Variants in COL22A1 observed in about 807,000 individuals in gnomAD.
The protein encoded by COL22A1 is collagen type XXII alpha 1 chain.
Under a neutral mutation model 248.9 loss-of-function variants are expected in COL22A1, and 221 were observed. That is an observed-to-expected ratio of 0.89 (90% CI 0.80 to 0.99). The LOEUF (loss-of-function observed/expected upper bound fraction) is 0.99. COL22A1 is among the 50% of genes least tolerant of loss of function. The pLI is 0.00. For missense variants in COL22A1, 2,240 were observed against 2,179.0 expected (o/e 1.03, Z -0.56); for synonymous variants, 891 against 793.4 (o/e 1.12, Z -2.07).
At chr8:138,707,076 T>G (rs578148720) in intron 30 of COL22A1, among the ~76,000 whole-genome samples, 6 of 152,172 alleles carry the variant, frequency 3.9e-5, no homozygotes, top group African/African-American at 1.4e-4. Flanking sequence ...GCCCTCCCAA[T>G]ACTAAACCAG....
intron 22 of COL22A1, among the ~76,000 whole-genome samples, chr8:138,739,436 A>C (rs1295876317): frequency 6.6e-6 from 1 of 152,180 alleles, no homozygotes; most frequent in Non-Finnish European, 1.5e-5. Context: ...TTCTTTGGCC[A>C]GCCTCACCAG....
At chr8:138,847,288 T>C (rs942333836) in intron 3 of COL22A1, among the ~76,000 whole-genome samples, 4 of 152,182 alleles carry the variant, frequency 2.6e-5, no homozygotes, top group African/African-American at 9.7e-5. Flanking sequence ...ACTGGTGGAA[T>C]GGGGAGCCTC....
At chr8:138,815,458 C>T (rs1818603778) in intron 7 of COL22A1, among the ~76,000 whole-genome samples, 1 of 152,170 alleles carries the variant, frequency 6.6e-6, no homozygotes, top group Non-Finnish European at 1.5e-5. Context: ...AAGCTCACCC[C>T]TAGTCTGCCA....
chr8:138,755,251 C>T (rs756911806), intron 20 of COL22A1, 41 bp from the exon 21 acceptor site: 4 of 1,597,490 alleles, frequency 2.5e-6, no homozygotes, highest in Non-Finnish European at 2.6e-6. Context: ...CATGACTTTT[C>T]CCCCATATGA....
At chr8:138,826,529 C>A in intron 6 of COL22A1, 129 bp downstream of exon 6, 15 of 968,472 alleles carry the variant, frequency 1.5e-5, no homozygotes, top group Non-Finnish European at 2.2e-5. Flanking sequence ...AGCCTCCATA[C>A]GCCAGGCTCT....
intron 36 of COL22A1, among the ~76,000 whole-genome samples, chr8:138,690,556 G>A (rs1826759707): frequency 6.6e-6 from 1 of 152,152 alleles, no homozygotes; most frequent in African/African-American, 2.4e-5. Context: ...AAACTAGGGT[G>A]TTGATTCCAA....
At chr8:138,707,446 A>G (rs199733754) in intron 30 of COL22A1, among the ~76,000 whole-genome samples, 1 of 152,170 alleles carries the variant, frequency 6.6e-6, no homozygotes, top group Non-Finnish European at 1.5e-5. Context: ...TCATGATCAA[A>G]TTGGCTTCAT....
chr8:138,782,274 A>G (rs1043128772), intron 12 of COL22A1, among the ~76,000 whole-genome samples: 10 of 152,100 alleles, frequency 6.6e-5, no homozygotes, highest in Admixed American at 5.2e-4. Flanking sequence ...ACTGGAGTAC[A>G]GTGACATGAA....
chr8:138,705,189 C>A (rs1426079119), intron 30 of COL22A1, among the ~76,000 whole-genome samples: 1 of 152,148 alleles, frequency 6.6e-6, no homozygotes, highest in African/African-American at 2.4e-5. Flanking sequence ...GAGAATGGAA[C>A]CAAGTTGGAA....
At chr8:138,698,706 T>A (rs1827720529) in intron 32 of COL22A1, among the ~76,000 whole-genome samples, 1 of 151,270 alleles carries the variant, frequency 6.6e-6, no homozygotes, top group Non-Finnish European at 1.5e-5. Context: ...AGGTGCTGTG[T>A]CCCTCATGCA....
rs185123006 is a variant in COL22A1, at chr8:138,594,068, G to T, written c.4564C>A (p.Arg1522Ser). 6.3e-7 allele frequency: 1 copy of T among 1,590,028 alleles called. No individual in the cohort carries two copies. Among genetic ancestry groups the T allele is most frequent in the South Asian group, 1.1e-5 (1 of 88,364 alleles). ...CCTTCCAGACCCCCCTGCCCAGGAC[G>T]ACCTGGCTCCCCCATGGGGCCGGCC... ...GRAGPMGEPG[R>S]PGQGGLEGPS... is the part of the protein sequence containing the mutation. The change falls in exon 63 of 65, where the codon CGT becomes AGT. Residue 1522 changes from arginine (R) to serine (S), a missense_variant. Physicochemically the swap from Arg to Ser is moderately radical, Grantham distance 110. Coordinates refer to ENST00000303045, the MANE Select transcript of COL22A1 (RefSeq NM_152888.3).
intron 12 of COL22A1, among the ~76,000 whole-genome samples, chr8:138,783,070 C>T (rs1238112703): frequency 6.6e-6 from 1 of 152,012 alleles, no homozygotes; most frequent in Non-Finnish European, 1.5e-5. Context: ...GGGGTAGTAA[C>T]TTCATGTGGG....
chr8:138,842,140 C>T (rs1047128313), intron 4 of COL22A1, among the ~76,000 whole-genome samples: 1 of 152,208 alleles, frequency 6.6e-6, no homozygotes, highest in Non-Finnish European at 1.5e-5. Context: ...CCGCCACAAA[C>T]TCAGGCAAGT....
intron 32 of COL22A1, among the ~76,000 whole-genome samples, chr8:138,699,736 A>G (rs1827800478): frequency 1.3e-5 from 2 of 152,192 alleles, no homozygotes; most frequent in Admixed American, 6.5e-5. Context: ...CACTGCCAGC[A>G]TCCATGGGGA....
intron 35 of COL22A1, 74 bp from the exon 36 acceptor site, chr8:138,690,948 C>G (rs1826798846): frequency 3.3e-6 from 4 of 1,209,086 alleles, no homozygotes; most frequent in Middle Eastern, 1.9e-4. Context: ...CTCTGCAAAT[C>G]TGCCTCATAC....
intron 53 of COL22A1, among the ~76,000 whole-genome samples, chr8:138,619,164 C>T (rs1423371719): frequency 6.6e-6 from 1 of 152,110 alleles, no homozygotes; most frequent in Non-Finnish European, 1.5e-5. Flanking sequence ...AATTAAGATT[C>T]ATTTTTACGT....
chr8:138,709,530 C>T (rs576365159), intron 30 of COL22A1, among the ~76,000 whole-genome samples: 40 of 151,014 alleles, frequency 2.6e-4, no homozygotes, highest in South Asian at 6.3e-4. Context: ...AGCAAACTAT[C>T]GCAAGGACAG....
At chr8:138,858,122 G>A (rs1822178785) in intron 3 of COL22A1, among the ~76,000 whole-genome samples, 2 of 152,150 alleles carry the variant, frequency 1.3e-5, no homozygotes, top group South Asian at 4.1e-4. Context: ...TGTTCTGTTT[G>A]TTCCTTAACA....
chr8:138,735,870 T>C (rs983964081), intron 23 of COL22A1, among the ~76,000 whole-genome samples: 2 of 152,180 alleles, frequency 1.3e-5, no homozygotes, highest in Non-Finnish European at 2.9e-5. Flanking sequence ...GTTTTCGGGA[T>C]GAGTGCCTCC....
Sources: gnomAD v4.1 joint callset for allele counts (sites outside exome capture counted in the v4.1 genomes callset) on GRCh38, gnomAD v4.1.1 for gene constraint, MANE v1.5 for transcripts, NCBI Gene and HGNC (gene_info 2026-07-23, HGNC 2026-07-21) for gene names.